The following ANTXR2 variants were observed in gnomAD, a reference collection of about 807,000 sequenced individuals.
The protein encoded by ANTXR2 is anthrax toxin receptor 2.
Under a neutral mutation model 73.7 loss-of-function variants are expected in ANTXR2, and 44 were observed. The ratio of observed to expected loss-of-function variants is 0.60; its 90% confidence interval spans 0.47 to 0.77. The LOEUF is 0.77. Among genes scored for constraint, ANTXR2 ranks in the 30% least tolerant of loss-of-function variants. ANTXR2 has a pLI of 0.00. For synonymous variants in ANTXR2, 217 were observed against 205.9 expected, an observed-to-expected ratio of 1.05 and a Z score of -0.46; for missense variants, 604 against 592.5, an observed-to-expected ratio of 1.02 and a Z score of -0.20.
At chr4:79,915,858 C>CTA (rs1248612325) in intron 16 of ANTXR2, among the ~76,000 whole-genome samples, 1,735 of 117,524 alleles carry the variant, frequency 0.015, 10 homozygotes, top group Non-Finnish European at 0.019. Flanking sequence ...CTCTCTCTCT[C>CTA]TCTCTATATA....
chr4:79,902,033 G>C lies in ANTXR2; in HGVS notation c.*5396C>G, dbSNP rs966804192. On this transcript the variant is annotated 3_prime_UTR_variant, in exon 17 of 17. Transcript: ENST00000403729. The stretch of plus-strand genomic sequence containing the variant: ...CCATGACCTGGGGGATGGGATCCCT[G>C]CTCTAGAAGACTAGTTCTTGCCTTC... 1.3e-5 allele frequency: 2 copies of C among 152,214 alleles called. No homozygotes were observed. The allele number at this position is 152,214 out of a possible 1,614,324, so 9.4% of individuals were successfully genotyped here. A position where few individuals can be genotyped will look rare whatever the true frequency, so the allele number is the denominator to read the frequency against.
chr4:80,049,304 C>G (rs1363967738), intron 7 of ANTXR2, among the ~76,000 whole-genome samples: 1 of 151,636 alleles, frequency 6.6e-6, no homozygotes, highest in Non-Finnish European at 1.5e-5. Context: ...GAACTAGAAC[C>G]CACAGGGTAC....
At chr4:80,014,323 C>G (rs1731737399) in intron 11 of ANTXR2, among the ~76,000 whole-genome samples, 1 of 152,028 alleles carries the variant, frequency 6.6e-6, no homozygotes, top group African/African-American at 2.4e-5. Flanking sequence ...AATCCCAGCA[C>G]TTTGGGAGAC....
intron 3 of ANTXR2, among the ~76,000 whole-genome samples, chr4:80,058,679 TA>T (rs11375681): frequency 1.0e-4 from 15 of 148,580 alleles, no homozygotes; most frequent in South Asian, 4.2e-4. Flanking sequence ...ACTGTAATGT[TA>T]AAAAAAAAAG....
chr4:80,044,079 A>AT (rs1733405128), intron 7 of ANTXR2, among the ~76,000 whole-genome samples: 1 of 151,978 alleles, frequency 6.6e-6, no homozygotes, highest in African/African-American at 2.4e-5. Flanking sequence ...CCAACGGGCT[A>AT]CAAAGAAGTT....
intron 11 of ANTXR2, among the ~76,000 whole-genome samples, chr4:80,009,411 G>A (rs1384245134): frequency 6.6e-6 from 1 of 152,094 alleles, no homozygotes; most frequent in Non-Finnish European, 1.5e-5. Context: ...TTAATCTTTA[G>A]TACTTATCAC....
chr4:79,915,396 A>G (rs1665901899), intron 16 of ANTXR2, among the ~76,000 whole-genome samples: 1 of 152,128 alleles, frequency 6.6e-6, no homozygotes, highest in Non-Finnish European at 1.5e-5. Flanking sequence ...CACTGGCATT[A>G]ACGCTTGTGA....
At chr4:80,060,997 G>A (rs952528058) in intron 3 of ANTXR2, among the ~76,000 whole-genome samples, 4 of 152,162 alleles carry the variant, frequency 2.6e-5, no homozygotes, top group African/African-American at 9.7e-5. Flanking sequence ...GCTGATACTG[G>A]CTGTTGCCTA....
At chr4:80,064,096 A>T (rs1235590829) in intron 3 of ANTXR2, among the ~76,000 whole-genome samples, 2 of 152,296 alleles carry the variant, frequency 1.3e-5, no homozygotes, top group East Asian at 3.9e-4. Context: ...TAGAAAAAAA[A>T]ATTCAAATAA....
At chr4:79,965,500 T>A (rs1158224509) in intron 16 of ANTXR2, among the ~76,000 whole-genome samples, 2 of 152,244 alleles carry the variant, frequency 1.3e-5, no homozygotes, top group Admixed American at 6.5e-5. Flanking sequence ...AAACTCTTCC[T>A]GATTTCTACA....
In ANTXR2 at chr4:79,906,356, A is replaced by G. The variant is rs764203290; in HGVS notation, c.*1073T>C. The G allele has an allele frequency of 1.3e-5, 2 of 152,598 alleles. No homozygotes were observed. Among genetic ancestry groups the G allele is most frequent in the Non-Finnish European group, 2.9e-5 (2 of 68,026 alleles). 9.5% of individuals were successfully genotyped at this position (152,598 alleles called of 1,614,324 possible). On this transcript the variant is annotated 3_prime_UTR_variant, in exon 17 of 17. Transcript: ENST00000403729. ...TCATTCAATGTCAAAAGGCATAAAA[A>G]AGATGAGCAAAATCTTCACAGGCTG...
At chr4:79,959,117 A>C (rs967812724) in intron 16 of ANTXR2, among the ~76,000 whole-genome samples, 1 of 152,120 alleles carries the variant, frequency 6.6e-6, no homozygotes, top group African/African-American at 2.4e-5. Flanking sequence ...CATTTGTTCA[A>C]AATTTAGCCT....
chr4:79,990,980 A>C (rs1203731715), intron 12 of ANTXR2, among the ~76,000 whole-genome samples: 1 of 152,024 alleles, frequency 6.6e-6, no homozygotes, highest in Non-Finnish European at 1.5e-5. Context: ...TAAATTCTTA[A>C]ATATAAAACC....
Position 80,058,036 on chromosome 4 carries a change from T to C in ANTXR2, c.297-2023A>G, listed in dbSNP as rs140015048. Reference sequence around the variant, plus strand: ...CTGAATGCAGATAAAAGTCAAATATTTGGTGCTTTTCAGAAATGAGTGGCA... The same window carrying C: ...CTGAATGCAGATAAAAGTCAAATATCTGGTGCTTTTCAGAAATGAGTGGCA... On this transcript the variant is annotated intron_variant, in intron 3 of 16. Coordinates refer to ENST00000403729, the MANE Select transcript of ANTXR2 (RefSeq NM_058172.6). Among the ~76,000 whole-genome samples the C allele has an allele frequency of 3.9e-5, 6 of 152,196 alleles. No homozygotes were observed. The East Asian group carries it at 9.7e-4, about 25-fold the overall frequency.
intron 3 of ANTXR2, among the ~76,000 whole-genome samples, chr4:80,057,850 TATA>T (rs2110111004): frequency 6.6e-6 from 1 of 152,160 alleles, no homozygotes; most frequent in South Asian, 2.1e-4. Context: ...CTGTACTTAT[TATA>T]ATGTCATTTG....
intron 12 of ANTXR2, among the ~76,000 whole-genome samples, chr4:80,003,328 G>A (rs867136551): frequency 1.0e-4 from 15 of 143,740 alleles, no homozygotes; most frequent in African/African-American, 1.5e-4. Context: ...ACCAAACACC[G>A]CATATTCTCA....
At chr4:79,921,096 A>G (rs1389068590) in intron 16 of ANTXR2, among the ~76,000 whole-genome samples, 1 of 152,136 alleles carries the variant, frequency 6.6e-6, no homozygotes, top group Non-Finnish European at 1.5e-5. Flanking sequence ...ATTTTTTGCT[A>G]CAGTATTTCT....
chr4:79,910,196 T>C (rs1037574510), intron 16 of ANTXR2, among the ~76,000 whole-genome samples: 1 of 152,100 alleles, frequency 6.6e-6, no homozygotes, highest in Admixed American at 6.6e-5. Flanking sequence ...GTGCCTGACA[T>C]ATAGCAAACT....
chr4:80,054,307 C>T lies in ANTXR2; in HGVS notation c.601G>A (p.Gly201Ser), dbSNP rs759761924. The change falls in exon 7 of 17, where the codon GGT (glycine) becomes AGT (serine). Residue 201 changes from glycine to serine, a missense_variant. Gly to Ser is a moderately conservative substitution (Grantham distance 56). Transcript: ENST00000403729. ...DSKEQVFPVK[G>S]GFQALKGIIN... ...ATTCCTTTAAGAGCCTGAAATCCAC[C>T]TTTGACAGGGAAAACTTGCTCCTTG... The T allele has an allele frequency of 1.3e-6, 2 of 1,596,052 alleles. No individual in the cohort carries two copies. Among genetic ancestry groups the T allele is most frequent in the Admixed American group, 1.7e-5 (1 of 57,520 alleles).
Sources: gnomAD v4.1 joint callset for allele counts (sites outside exome capture counted in the v4.1 genomes callset) on GRCh38, gnomAD v4.1.1 for gene constraint, MANE v1.5 for transcripts, NCBI Gene and HGNC (gene_info 2026-07-23, HGNC 2026-07-21) for gene names.